Variants in TENM4 observed in about 807,000 individuals in gnomAD.
TENM4 encodes teneurin-4.
Under a neutral mutation model 243.3 loss-of-function variants are expected in TENM4, and 82 were observed. That is an observed-to-expected ratio of 0.34 (90% CI 0.28 to 0.40). The LOEUF is 0.40. Among genes scored for constraint, TENM4 ranks in the 10% least tolerant of loss-of-function variants. The pLI is 1.00. For missense variants in TENM4, 3,138 were observed against 3,673.3 expected (o/e 0.85, Z 3.77); for synonymous variants, 1,412 against 1,456.3 (o/e 0.97, Z 0.69).
intron 17 of TENM4, among the ~76,000 whole-genome samples, chr11:78,775,316 G>T (rs1192183622): frequency 6.6e-6 from 1 of 152,198 alleles, no homozygotes; most frequent in African/African-American, 2.4e-5. Flanking sequence ...CTCTGAGGCT[G>T]CCTGAAAATA....
chr11:78,775,718 C>G lies in TENM4; in HGVS notation c.2392+2884G>C, dbSNP rs1242106035. Among the ~76,000 whole-genome samples, 4 of 152,312 alleles carry G rather than the reference C, an allele frequency of 2.6e-5. No individual in the cohort carries two copies. In the South Asian group the frequency reaches 6.2e-4, roughly 24 times the overall value. ...CCCTGAAACTCATCAATAATTCAGA[C>G]AGCCCACGTGACATTAATAATCCCT... On this transcript the variant is annotated intron_variant, in intron 17 of 33. Transcript: ENST00000278550.
chr11:79,153,588 T>C (rs1473272388), intron 3 of TENM4, among the ~76,000 whole-genome samples: 1 of 152,076 alleles, frequency 6.6e-6, no homozygotes, highest in Admixed American at 6.6e-5. Flanking sequence ...CCCCTTAACC[T>C]AGAAGGTGGC....
At chr11:79,094,391 G>C (rs1183317200) in intron 4 of TENM4, among the ~76,000 whole-genome samples, 1 of 152,156 alleles carries the variant, frequency 6.6e-6, no homozygotes, top group Middle Eastern at 3.2e-3. Context: ...GGTGTGAAAA[G>C]AGTTGTCCAA....
chr11:79,219,185 G>A (rs761709503), intron 2 of TENM4, among the ~76,000 whole-genome samples: 4 of 152,196 alleles, frequency 2.6e-5, no homozygotes, highest in Non-Finnish European at 5.9e-5. Flanking sequence ...CATAAGGGAG[G>A]AGAGGCATGG....
intron 6 of TENM4, among the ~76,000 whole-genome samples, chr11:78,932,873 G>A (rs1230771347): frequency 6.6e-6 from 1 of 152,210 alleles, no homozygotes; most frequent in Non-Finnish European, 1.5e-5. Flanking sequence ...CGGAGCTCAG[G>A]TGGTAATGCC....
intron 3 of TENM4, among the ~76,000 whole-genome samples, chr11:79,213,611 GC>G (rs772686689): frequency 2.6e-5 from 4 of 152,302 alleles, no homozygotes; most frequent in Admixed American, 2.0e-4. Context: ...TACGTGGAAG[GC>G]CCCCATGTGG....
At chr11:79,344,552 C>G (rs1464723031) in intron 1 of TENM4, among the ~76,000 whole-genome samples, 1 of 152,212 alleles carries the variant, frequency 6.6e-6, no homozygotes, top group Non-Finnish European at 1.5e-5. Context: ...TGCACCTGAC[C>G]AGGTAGACTG....
chr11:79,417,037 A>G (rs769071326), intron 1 of TENM4, among the ~76,000 whole-genome samples: 2 of 152,200 alleles, frequency 1.3e-5, no homozygotes, highest in Non-Finnish European at 2.9e-5. Context: ...ACTGTATAAC[A>G]TTAAGGGCAA....
intron 18 of TENM4, among the ~76,000 whole-genome samples, chr11:78,769,451 T>C (rs1235793675): frequency 4.6e-5 from 7 of 152,210 alleles, no homozygotes; most frequent in Non-Finnish European, 8.8e-5. Context: ...ACAACAGCAC[T>C]TATCACAGTT....
At chr11:78,691,182 C>A (rs971375701) in intron 28 of TENM4, among the ~76,000 whole-genome samples, 3 of 152,182 alleles carry the variant, frequency 2.0e-5, no homozygotes, top group Non-Finnish European at 2.9e-5. Context: ...AGTCGTCCCC[C>A]TCTTTGGACT....
At chr11:78,892,691 T>A (rs566544657) in intron 7 of TENM4, among the ~76,000 whole-genome samples, 2 of 152,256 alleles carry the variant, frequency 1.3e-5, no homozygotes, top group Non-Finnish European at 2.9e-5. Flanking sequence ...TATTATTTAT[T>A]GTTCCAGAAG....
In TENM4 at chr11:78,771,000, T is replaced by C. The variant is rs377170654; in HGVS notation, c.2531A>G (p.Asn844Ser). Residue 844 changes from asparagine to serine, a missense_variant, in exon 18 of 34, where the codon AAT becomes AGT. Coordinates refer to ENST00000278550, the MANE Select transcript of TENM4 (RefSeq NM_001098816.3). Reference sequence around the variant, plus strand: ...GGGTGCCAGAGCCCTACCTCCATCATTGTCTTTGCTGTCACCGCAGGCAGT... The same window carrying C: ...GGGTGCCAGAGCCCTACCTCCATCACTGTCTTTGCTGTCACCGCAGGCAGT... ...METACGDSKD[N>S]DGDGLVDCMD... The C allele has an allele frequency of 4.4e-6, 7 of 1,584,014 alleles. No individual in the cohort carries two copies. In the African/African-American group the frequency reaches 9.4e-5, roughly 21 times the overall value.
chr11:78,661,835 C>T (rs79596030), intron 32 of TENM4, among the ~76,000 whole-genome samples: 1,929 of 152,210 alleles, frequency 0.013, 43 homozygotes, highest in African/African-American at 0.045. Flanking sequence ...CCCAGGTTTC[C>T]GGACTTCCTT....
At chr11:79,073,481 T>C (rs1246955958) in intron 4 of TENM4, among the ~76,000 whole-genome samples, 1 of 152,234 alleles carries the variant, frequency 6.6e-6, no homozygotes, top group African/African-American at 2.4e-5. Flanking sequence ...AGTGCATGCA[T>C]GAATGAAACT....
chr11:78,836,122 C>T (rs568396524), intron 12 of TENM4, among the ~76,000 whole-genome samples: 1 of 152,240 alleles, frequency 6.6e-6, no homozygotes, highest in Non-Finnish European at 1.5e-5. Flanking sequence ...CTTTGGGAGG[C>T]CGAGGTGGAT....
intron 6 of TENM4, among the ~76,000 whole-genome samples, chr11:79,018,262 A>G (rs140523617): frequency 6.6e-5 from 10 of 152,260 alleles, no homozygotes; most frequent in Admixed American, 2.0e-4. Context: ...CAGCGATCCC[A>G]TTCATTCTGA....
At position 79,018,061 on chromosome 11, in the gene TENM4, G is replaced by A. The variant is rs573728602; in HGVS notation, c.493+46677C>T. ...GGGATAGTCTCAAGCTGGGGAGGAG[G>A]GCTGGGGGATGAGGGCTGGGGGATG... On this transcript the variant is annotated intron_variant, in intron 6 of 33. Transcript: ENST00000278550. Among the ~76,000 whole-genome samples the A allele has an allele frequency of 2.0e-5, 3 of 152,218 alleles. No individual in the cohort carries two copies. In the South Asian group the frequency reaches 6.2e-4, roughly 32 times the overall value.
intron 1 of TENM4, among the ~76,000 whole-genome samples, chr11:79,418,998 C>T (rs1478221960): frequency 6.6e-6 from 1 of 152,206 alleles, no homozygotes; most frequent in Non-Finnish European, 1.5e-5. Flanking sequence ...TCTCCAGGTG[C>T]CACCTCTGAA....
At chr11:79,089,162 T>C (rs1445631651) in intron 4 of TENM4, among the ~76,000 whole-genome samples, 1 of 152,226 alleles carries the variant, frequency 6.6e-6, no homozygotes, top group Admixed American at 6.5e-5. Context: ...CTGGGAAACC[T>C]GAACCACCTT....
Sources: gnomAD v4.1 joint callset for allele counts (sites outside exome capture counted in the v4.1 genomes callset) on GRCh38, gnomAD v4.1.1 for gene constraint, MANE v1.5 for transcripts, NCBI Gene and HGNC (gene_info 2026-07-23, HGNC 2026-07-21) for gene names.